The following IBSP variants were observed in gnomAD, a reference collection of about 807,000 sequenced individuals.
IBSP encodes integrin-binding sialoprotein.
In IBSP, 19 loss-of-function variants were observed where a neutral mutation model predicts 25.5. That is an observed-to-expected ratio of 0.74 (90% confidence interval 0.52 to 1.09). IBSP has a LOEUF of 1.09. Among genes scored for constraint, IBSP ranks in the 50% least tolerant of loss-of-function variants. The pLI is 0.00. For missense variants in IBSP, 360 were observed against 382.3 expected, an observed-to-expected ratio of 0.94 and a Z score of 0.49; for synonymous variants, 144 against 137.6, an observed-to-expected ratio of 1.05 and a Z score of -0.33.
At chr4:87,807,970 GA>G (rs1489864998) in intron 5 of IBSP, among the ~76,000 whole-genome samples, 1 of 152,144 alleles carries the variant, frequency 6.6e-6, no homozygotes, top group Admixed American at 6.5e-5. Flanking sequence ...AGTAGTAATG[GA>G]AAAGCGGGTA....
rs560711311 is a variant in IBSP, at chr4:87,809,209, A to G, written c.247-1397A>G. ...TATCCAATAAAATTTGTGAAGCCTC[A>G]TACCCATCAACAGTAACCTATTTTC... is the stretch of plus-strand genomic sequence containing the variant. On this transcript the variant is annotated intron_variant, in intron 5 of 6. Transcript: ENST00000226284. Among the ~76,000 whole-genome samples, 13 of 152,360 alleles carry G rather than the reference A, an allele frequency of 8.5e-5. No homozygotes were observed. In the South Asian group the frequency reaches 2.7e-3, roughly 32 times the overall value.
chr4:87,800,316 T>G (rs1721995776), intron 1 of IBSP, among the ~76,000 whole-genome samples: 1 of 152,156 alleles, frequency 6.6e-6, no homozygotes, highest in Non-Finnish European at 1.5e-5. Context: ...AACTACTTGG[T>G]TCTTTGTATT....
intron 1 of IBSP, among the ~76,000 whole-genome samples, chr4:87,801,613 T>C (rs759999497): frequency 9.2e-5 from 14 of 152,048 alleles, no homozygotes; most frequent in African/African-American, 1.2e-4. Context: ...CCAAAACCTA[T>C]ATAGAAGCTG....
At chr4:87,808,744 C>A (rs1183222202) in intron 5 of IBSP, among the ~76,000 whole-genome samples, 1 of 152,164 alleles carries the variant, frequency 6.6e-6, no homozygotes, top group Non-Finnish European at 1.5e-5. Flanking sequence ...CTTCTTCACT[C>A]TCAAATTTAG....
intron 4 of IBSP, among the ~76,000 whole-genome samples, chr4:87,803,711 C>A (rs956074896): frequency 1.3e-5 from 2 of 152,092 alleles, no homozygotes; most frequent in African/African-American, 4.8e-5. Context: ...TTTCTAGCAC[C>A]AGCATAATTA....
At position 87,810,119 on chromosome 4, in the gene IBSP, G is replaced by T. The variant is rs532945403; in HGVS notation, c.247-487G>T. Reference sequence around the variant, plus strand: ...TGTGCCTGTAGTCTCAGTTGCTGGGGAGGCTGAGACAGGAGAATCGCTTGA... The same window carrying T: ...TGTGCCTGTAGTCTCAGTTGCTGGGTAGGCTGAGACAGGAGAATCGCTTGA... On this transcript the variant is annotated intron_variant, in intron 5 of 6. Transcript: ENST00000226284. Among the ~76,000 whole-genome samples, 86 of 152,242 alleles carry T rather than the reference G, an allele frequency of 5.6e-4. 1 individual carries two copies. The highest frequency in any genetic ancestry group is 3.4e-3 in the Middle Eastern group (1 of 294).
chr4:87,812,145 A>G lies in IBSP; in HGVS notation c.*235A>G. ...AGGACCATTTATCAAGCAGTACACC[A>G]ACTCATAAGATCAAATTTCATTGAA... On this transcript the variant is annotated 3_prime_UTR_variant, in exon 7 of 7. Transcript: ENST00000226284. 4.9e-6 allele frequency: 2 copies of G among 404,482 alleles called. No individual in the cohort carries two copies. The highest frequency in any genetic ancestry group is 8.6e-6 in the Non-Finnish European group (2 of 231,244). The allele number at this position is 404,482 out of a possible 1,614,324, so 25.1% of individuals were successfully genotyped here. A position where few individuals can be genotyped will look rare whatever the true frequency, so the allele number is the denominator to read the frequency against.
chr4:87,802,028 C>T (rs2616263), intron 1 of IBSP, among the ~76,000 whole-genome samples: 3,398 of 152,204 alleles, frequency 0.022, 100 homozygotes, highest in East Asian at 0.17. Flanking sequence ...ATTAAGAGGG[C>T]CATTACGCCA....
chr4:87,809,995 G>A (rs1486685395), intron 5 of IBSP, among the ~76,000 whole-genome samples: 1 of 152,202 alleles, frequency 6.6e-6, no homozygotes, highest in African/African-American at 2.4e-5. Flanking sequence ...ACTTTGGGAG[G>A]TTGAGGCGGG....
chr4:87,810,859 G>T (rs1722161034), intron 6 of IBSP, 95 bp downstream of exon 6: 2 of 1,076,964 alleles, frequency 1.9e-6, no homozygotes, highest in Admixed American at 2.2e-5. Flanking sequence ...GGAGTCTAAG[G>T]GTATCCTAAC....
chr4:87,805,661 A>G (rs894719420), intron 4 of IBSP, among the ~76,000 whole-genome samples: 18 of 152,206 alleles, frequency 1.2e-4, no homozygotes, highest in African/African-American at 2.4e-4. Context: ...AATGTGAACT[A>G]TATCTTAGCC....
intron 5 of IBSP, among the ~76,000 whole-genome samples, chr4:87,808,857 C>T (rs776682609): frequency 1.3e-5 from 2 of 152,184 alleles, no homozygotes; most frequent in Non-Finnish European, 2.9e-5. Flanking sequence ...TTGATGGGCA[C>T]TTAAGTAGTT....
At chr4:87,806,282 T>A (rs1722088708) in intron 5 of IBSP, 98 bp downstream of exon 5, 1 of 866,448 alleles carries the variant, frequency 1.2e-6, no homozygotes. Flanking sequence ...ATAGCCATTG[T>A]CACTTTACTA....
Position 87,802,562 on chromosome 4 carries a change from A to G in IBSP, c.105+4A>G. On this transcript the variant is annotated splice_donor_region_variant and intron_variant, in intron 3 of 6. Transcript: ENST00000226284. ...AGAGGATTCTGAAGAAAATGGGGTA[A>G]TTAATTTTAGCATACTTCCTTGGCC... is the stretch of plus-strand genomic sequence containing the variant. 1 of 1,603,834 alleles carries G rather than the reference A, an allele frequency of 6.2e-7. No homozygotes were observed. Among genetic ancestry groups the G allele is most frequent in the Non-Finnish European group, 8.5e-7 (1 of 1,175,930 alleles).
intron 4 of IBSP, among the ~76,000 whole-genome samples, chr4:87,805,684 T>G (rs1021310285): frequency 6.6e-6 from 1 of 152,216 alleles, no homozygotes; most frequent in Admixed American, 6.6e-5. Flanking sequence ...AGGTCTGCCT[T>G]GAACCTGCTG....
intron 1 of IBSP, among the ~76,000 whole-genome samples, chr4:87,801,521 T>C (rs923109446): frequency 2.2e-4 from 33 of 147,482 alleles, no homozygotes; most frequent in Admixed American, 8.1e-4. Context: ...CACACGCATA[T>C]ACACACACAC....
chr4:87,808,395 A>G (rs1473559612), intron 5 of IBSP, among the ~76,000 whole-genome samples: 1 of 151,996 alleles, frequency 6.6e-6, no homozygotes, highest in Non-Finnish European at 1.5e-5. Context: ...GTTAGCCAGG[A>G]TGGTCTTGAT....
chr4:87,811,959 C>A lies in IBSP; in HGVS notation c.*49C>A. 1.4e-5 allele frequency: 20 copies of A among 1,447,418 alleles called. No individual in the cohort carries two copies. Among genetic ancestry groups the A allele is most frequent in the Non-Finnish European group, 1.9e-5 (20 of 1,077,096 alleles). The allele number at this position is 1,447,418 out of a possible 1,614,324, so 89.7% of individuals were successfully genotyped here. A position where few individuals can be genotyped will look rare whatever the true frequency, so the allele number is the denominator to read the frequency against. On this transcript the variant is annotated 3_prime_UTR_variant, in exon 7 of 7. Coordinates refer to ENST00000226284, the MANE Select transcript of IBSP (RefSeq NM_004967.4). ...TCCATTCTGGCTTTGCATCCGGCTA[C>A]CATTTTCGAAGTTCAACTCAGGAAG...
intron 1 of IBSP, among the ~76,000 whole-genome samples, chr4:87,801,481 TACACACACAC>T (rs34524230): frequency 2.6e-4 from 34 of 132,452 alleles, no homozygotes; most frequent in Non-Finnish European, 3.4e-4. Context: ...CACCCACCCA[TACACACACAC>T]ACACACACAC....
Sources: allele counts gnomAD v4.1 joint callset (sites outside exome capture counted in the v4.1 genomes callset), GRCh38; gene constraint gnomAD v4.1.1; transcripts MANE v1.5; gene names NCBI Gene and HGNC (gene_info 2026-07-23, HGNC 2026-07-21).